Variants in THRAP3 observed in about 807,000 individuals in gnomAD.
The protein encoded by THRAP3 is thyroid hormone receptor-associated protein 3.
Under a neutral mutation model 101.0 loss-of-function variants are expected in THRAP3, and 16 were observed. The ratio of observed to expected loss-of-function variants is 0.16; its 90% CI spans 0.11 to 0.24. The LOEUF is 0.24. Among genes scored for constraint, THRAP3 ranks in the 10% least tolerant of loss-of-function variants. The pLI, the probability that THRAP3 is intolerant of heterozygous loss-of-function variation, is 1.00. For synonymous variants in THRAP3, 407 were observed against 422.6 expected, an observed-to-expected ratio of 0.96 and a Z score of 0.45; for missense variants, 989 against 1,202.7, an observed-to-expected ratio of 0.82 and a Z score of 2.63.
chr1:36,249,713 T>TGTGC (rs1444709768), intron 1 of THRAP3, among the ~76,000 whole-genome samples: 1 of 150,824 alleles, frequency 6.6e-6, no homozygotes, highest in African/African-American at 2.5e-5. Flanking sequence ...TGTGTGTGTG[T>TGTGC]GTGTGTGGTG....
intron 1 of THRAP3, among the ~76,000 whole-genome samples, chr1:36,251,010 G>T (rs540663413): frequency 6.6e-6 from 1 of 152,216 alleles, no homozygotes; most frequent in Admixed American, 6.5e-5. Context: ...GCCTTCCAAA[G>T]TGCTGAGATT....
At chr1:36,291,571 C>T in intron 6 of THRAP3, 25 bp downstream of exon 6, 3 of 1,608,394 alleles carry the variant, frequency 1.9e-6, no homozygotes, top group African/African-American at 1.3e-5. Flanking sequence ...TGGCCTGCTT[C>T]AGGCTCGTGT....
At chr1:36,230,892 A>G (rs907997758) in intron 1 of THRAP3, among the ~76,000 whole-genome samples, 7 of 152,202 alleles carry the variant, frequency 4.6e-5, no homozygotes, top group African/African-American at 1.7e-4. Context: ...GAAAAAGCAG[A>G]TCTGGCAGCC....
rs144848677 is a variant in THRAP3 at position 36,228,286 on chromosome 1, C to T, written c.-135+3781C>T. On this transcript the variant is annotated intron_variant, in intron 1 of 11. Transcript: ENST00000354618. ...AGGCTGGAGTGCAATGGCATGGTCT[C>T]GGCTCACTGCTACCTCTGCCTCCAG... 6.6e-3 allele frequency among the ~76,000 whole-genome samples: 1,009 copies of T among 151,990 alleles called. 19 individuals are homozygous for T. Among genetic ancestry groups the T allele is most frequent in the Admixed American group, 9.7e-3 (148 of 15,252 alleles).
chr1:36,246,990 G>T (rs1391810563), intron 1 of THRAP3, among the ~76,000 whole-genome samples: 4 of 152,046 alleles, frequency 2.6e-5, no homozygotes, highest in South Asian at 4.1e-4. Context: ...GAGGGCTTCA[G>T]TTTTCTCAAG....
intron 1 of THRAP3, among the ~76,000 whole-genome samples, chr1:36,229,441 A>G (rs1420761482): frequency 7.4e-6 from 1 of 135,842 alleles, no homozygotes; most frequent in Non-Finnish European, 1.5e-5. Context: ...TTTTTTGAGA[A>G]TAAGTAGTAT....
intron 11 of THRAP3, among the ~76,000 whole-genome samples, chr1:36,302,912 TAA>T (rs556094459): frequency 1.5e-3 from 222 of 152,266 alleles, no homozygotes; most frequent in Non-Finnish European, 2.5e-3. Flanking sequence ...CCTCCTTGCA[TAA>T]AACAGGGGAG....
At chr1:36,218,701 G>A in the THRAP3 span, among the ~76,000 whole-genome samples, 18 of 150,216 alleles carry the variant, frequency 1.2e-4, no homozygotes, top group Admixed American at 4.0e-4. Context: ...CAGCCTGGGC[G>A]ACAGAGCCAG....
At chr1:36,295,077 G>C (rs1265240632) in intron 8 of THRAP3, among the ~76,000 whole-genome samples, 1 of 152,040 alleles carries the variant, frequency 6.6e-6, no homozygotes, top group Non-Finnish European at 1.5e-5. Flanking sequence ...TACAAAATTA[G>C]CCGGGTGTGG....
the THRAP3 span, among the ~76,000 whole-genome samples, chr1:36,210,746 A>ATATCATATATATATCATATATATAT: frequency 2.0e-5 from 2 of 98,866 alleles, no homozygotes; most frequent in African/African-American, 3.9e-5. Flanking sequence ...TCATATATAT[A>ATATCATATATATATCATATATATAT]AAGTGTCAGC....
chr1:36,249,902 A>G (rs1330802469), intron 1 of THRAP3, among the ~76,000 whole-genome samples: 5 of 152,296 alleles, frequency 3.3e-5, no homozygotes, highest in South Asian at 4.1e-4. Context: ...GTGTGCTTGT[A>G]TTGAATTTTA....
At chr1:36,303,684 G>C in intron 11 of THRAP3, 112 bp from the exon 12 acceptor site, 1 of 1,514,046 alleles carries the variant, frequency 6.6e-7, no homozygotes, top group Non-Finnish European at 8.9e-7. Flanking sequence ...TCAAAAGGCT[G>C]GGTTAGGGCA....
the THRAP3 span, among the ~76,000 whole-genome samples, chr1:36,216,086 A>G: frequency 6.6e-6 from 1 of 152,130 alleles, no homozygotes; most frequent in Non-Finnish European, 1.5e-5. Context: ...CCATTAAAAA[A>G]TGTAAAAATA....
intron 1 of THRAP3, among the ~76,000 whole-genome samples, chr1:36,226,336 T>C (rs1644962005): frequency 6.6e-6 from 1 of 152,192 alleles, no homozygotes; most frequent in Non-Finnish European, 1.5e-5. Context: ...CTCGGCTCAC[T>C]GCAACCTCCG....
intron 3 of THRAP3, among the ~76,000 whole-genome samples, chr1:36,285,612 G>A (rs1295916731): frequency 3.3e-5 from 5 of 152,098 alleles, no homozygotes; most frequent in East Asian, 1.9e-4. Context: ...AACTTCATGC[G>A]TCCTTGGGTA....
intron 1 of THRAP3, chr1:36,225,105 G>A (rs1644946763): frequency 6.6e-6 from 1 of 152,204 alleles, no homozygotes; most frequent in Non-Finnish European, 1.5e-5. Flanking sequence ...TATATGAGGT[G>A]AATTATTTTG....
chr1:36,276,235 G>C (rs948253542), intron 2 of THRAP3, among the ~76,000 whole-genome samples: 7 of 148,160 alleles, frequency 4.7e-5, no homozygotes, highest in Non-Finnish European at 8.9e-5. Context: ...AAAAAAAAAT[G>C]TGCTTCAAGG....
chr1:36,271,497 A>T lies in THRAP3; in HGVS notation c.-31-11036A>T, dbSNP rs567106770. Among the ~76,000 whole-genome samples the T allele has an allele frequency of 5.3e-5, 8 of 149,882 alleles. No homozygotes were observed. The East Asian group carries it at 1.6e-3, about 30-fold the overall frequency. Reference sequence around the variant, plus strand: ...GGGGTTTCACCATGTTGGTCAGGCTAGTCTCGAACTCCTGACCTCGTGATC... The same window carrying T: ...GGGGTTTCACCATGTTGGTCAGGCTTGTCTCGAACTCCTGACCTCGTGATC... On this transcript the variant is annotated intron_variant, in intron 2 of 11. Transcript: ENST00000354618.
chr1:36,286,289 G>A lies in THRAP3; in HGVS notation c.138-79G>A. On this transcript the variant is annotated intron_variant, in intron 3 of 11. Transcript: ENST00000354618. This position sits in a 1 kb window ranked among gnomAD's most constrained non-coding sequence, Gnocchi z 5.5. The stretch of plus-strand genomic sequence containing the variant: ...AAAGTGAATGACACATAAGGGCAGG[G>A]ATTTCAGAACAGATTTTTCTTGAAT... 7.1e-7 allele frequency: 1 copy of A among 1,416,250 alleles called. No individual in the cohort carries two copies. The highest frequency in any genetic ancestry group is 9.6e-7 in the Non-Finnish European group (1 of 1,044,358). 87.7% of individuals were successfully genotyped at this position (1,416,250 alleles called of 1,614,324 possible).
Sources: gnomAD v4.1 joint callset for allele counts (sites outside exome capture counted in the v4.1 genomes callset) on GRCh38, gnomAD v4.1.1 for gene constraint, Gnocchi (gnomAD v3.1) non-coding constraint, MANE v1.5 for transcripts, NCBI Gene and HGNC (gene_info 2026-07-23, HGNC 2026-07-21) for gene names.